MON2: variants seen among roughly 807,000 people sequenced by gnomAD.
The protein encoded by MON2 is protein MON2 homolog.
MON2 carries 84 observed loss-of-function variants against 208.6 expected under a neutral mutation model. The ratio of observed to expected loss-of-function variants is 0.40; its 90% confidence interval spans 0.34 to 0.48. MON2 has a LOEUF of 0.48. MON2 is among the 20% of genes least tolerant of loss of function. The pLI, the probability that MON2 is intolerant of heterozygous loss-of-function variation, is 0.59. For missense variants in MON2, 1,611 were observed against 2,015.4 expected (o/e 0.80, Z 3.84); for synonymous variants, 660 against 694.0 (o/e 0.95, Z 0.77).
intron 32 of MON2, among the ~76,000 whole-genome samples, chr12:62,584,353 T>A (rs1393207026): frequency 6.6e-6 from 1 of 152,158 alleles, no homozygotes; most frequent in Admixed American, 6.5e-5. Flanking sequence ...ATTGATTGTT[T>A]CTTAGGAAGC....
Position 62,562,624 on chromosome 12 carries a change from A to G in MON2, c.4032+1511A>G, listed in dbSNP as rs1035841275. On this transcript the variant is annotated intron_variant, in intron 26 of 34. Transcript: ENST00000393630. ...TATATTTTATTATCAGAGTGTTTTT[A>G]TATTTTTTTCCACAGATGTAAGAAA... 6.6e-5 allele frequency among the ~76,000 whole-genome samples: 10 copies of G among 152,174 alleles called. No homozygotes were observed. In the East Asian group the frequency reaches 1.2e-3, roughly 18 times the overall value.
rs143088929 is a variant in MON2, at chr12:62,563,775, T to A, written c.4033-1462T>A. On this transcript the variant is annotated intron_variant, in intron 26 of 34. Coordinates refer to ENST00000393630, the MANE Select transcript of MON2 (RefSeq NM_015026.3). ...AATGCATAGTTAAGTCATTAATTTGTGTTAAGATTCTTACAAAGAAATTAT... is the reference window on the plus strand; with the variant it reads ...AATGCATAGTTAAGTCATTAATTTGAGTTAAGATTCTTACAAAGAAATTAT... Among the ~76,000 whole-genome samples the A allele has an allele frequency of 5.3e-4, 81 of 152,242 alleles. 1 individual carries two copies. The East Asian group carries it at 0.013, about 25-fold the overall frequency.
intron 12 of MON2, among the ~76,000 whole-genome samples, chr12:62,534,522 A>T (rs1327979733): frequency 1.7e-5 from 1 of 58,744 alleles, no homozygotes; most frequent in Middle Eastern, 8.6e-3. Context: ...CCATCGCAAA[A>T]AAAAAAAAAA....
intron 7 of MON2, among the ~76,000 whole-genome samples, chr12:62,502,885 AAT>A (rs2070915731): frequency 6.6e-6 from 1 of 152,182 alleles, no homozygotes; most frequent in Non-Finnish European, 1.5e-5. Flanking sequence ...GTGCTACAGT[AAT>A]ATAAGATTTT....
At chr12:62,552,396 T>G (rs2073788797) in intron 23 of MON2, among the ~76,000 whole-genome samples, 1 of 152,182 alleles carries the variant, frequency 6.6e-6, no homozygotes, top group African/African-American at 2.4e-5. Context: ...TACTGGATTC[T>G]CTACATTTTA....
intron 11 of MON2, 29 bp downstream of exon 11, chr12:62,526,131 G>C: frequency 6.3e-7 from 1 of 1,599,818 alleles, no homozygotes; most frequent in African/African-American, 1.3e-5. Context: ...ATTTTATAAG[G>C]AATGATGTTG....
chr12:62,507,086 A>G (rs2071140397), intron 7 of MON2, among the ~76,000 whole-genome samples: 1 of 152,172 alleles, frequency 6.6e-6, no homozygotes, highest in African/African-American at 2.4e-5. Context: ...TTGCCATTGC[A>G]TGTTTTATCA....
intron 22 of MON2, among the ~76,000 whole-genome samples, chr12:62,549,342 G>A (rs2073640209): frequency 6.6e-6 from 1 of 151,926 alleles, no homozygotes; most frequent in African/African-American, 2.4e-5. Flanking sequence ...AAGTAAGGCT[G>A]GGTGTGGTAG....
intron 8 of MON2, 137 bp downstream of exon 8, chr12:62,508,617 G>C: frequency 1.5e-6 from 1 of 667,174 alleles, no homozygotes. Flanking sequence ...TGTAGTCTAG[G>C]TACTCTAAAG....
In MON2 at chr12:62,583,053, C is replaced by T. The variant is rs368113343; in HGVS notation, c.4700-2241C>T. ...AGGAGCAGTAGAAAAAGAAAGAAGGCTGGGCACGGTGGCTCAGGCCTGTAT... is the reference window on the plus strand; with the variant it reads ...AGGAGCAGTAGAAAAAGAAAGAAGGTTGGGCACGGTGGCTCAGGCCTGTAT... On this transcript the variant is annotated intron_variant, in intron 32 of 34. Transcript: ENST00000393630. Among the ~76,000 whole-genome samples, 4 of 152,150 alleles carry T rather than the reference C, an allele frequency of 2.6e-5. No individual in the cohort carries two copies. In the East Asian group the frequency reaches 7.7e-4, roughly 29 times the overall value.
At chr12:62,589,001 T>A in intron 34 of MON2, 1 of 772,778 alleles carries the variant, frequency 1.3e-6, no homozygotes, top group Non-Finnish European at 1.9e-6. Context: ...CAATTATGCA[T>A]GTACATGACT....
rs1555161389 is a variant in MON2 at position 62,500,783 on chromosome 12, A to G, written c.566A>G (p.Asp189Gly). 6 of 1,543,716 alleles carry G rather than the reference A, an allele frequency of 3.9e-6. No homozygotes were observed. Among genetic ancestry groups the G allele is most frequent in the South Asian group, 2.4e-5 (2 of 83,132 alleles). The stretch of plus-strand genomic sequence containing the variant: ...AAAACCCATCCTGTTTTGATTGCAG[A>G]TATTATAGAACAACCAGTACTGGTA... ...RMVAEDERHR[D>G]IIEQPVLVQG... The change falls in exon 6 of 35, where the codon GAT becomes GGT. Residue 189 changes from aspartate to glycine, a missense_variant and splice_region_variant. Transcript: ENST00000393630.
Position 62,598,177 on chromosome 12 carries a change from T to TTCACCCAGAGG in MON2, c.*5443_*5453dup, listed in dbSNP as rs1212541629. The TTCACCCAGAGG allele has an allele frequency of 1.3e-5, 2 of 152,290 alleles. No homozygotes were observed. The highest frequency in any genetic ancestry group is 4.8e-5 in the African/African-American group (2 of 41,554). 9.4% of individuals were successfully genotyped at this position (152,290 alleles called of 1,614,324 possible). A position where few individuals can be genotyped will look rare whatever the true frequency, so the allele number is the denominator to read the frequency against. On this transcript the variant is annotated 3_prime_UTR_variant, in exon 35 of 35. Coordinates refer to ENST00000393630, the MANE Select transcript of MON2 (RefSeq NM_015026.3). ...GTGTATTTGGTGTCTGTGTGATTGG[T>TTCACCCAGAGG]TCACCCAGAGGTCACCCAGAGGTCA...
Position 62,553,243 on chromosome 12 carries a change from A to G in MON2, c.3210+69A>G, listed in dbSNP as rs2136309418. On this transcript the variant is annotated intron_variant, in intron 24 of 34. Coordinates refer to ENST00000393630, the MANE Select transcript of MON2 (RefSeq NM_015026.3). ...CTTATATATTAATACTTTTTCAGTTAAACTTATTTCTTTTAATTTTTAAAG... is the reference window on the plus strand; with the variant it reads ...CTTATATATTAATACTTTTTCAGTTGAACTTATTTCTTTTAATTTTTAAAG... 2.2e-6 allele frequency: 3 copies of G among 1,347,236 alleles called. No homozygotes were observed. The South Asian group carries it at 4.5e-5, about 20-fold the overall frequency. The allele number at this position is 1,347,236 out of a possible 1,614,324, so 83.5% of individuals were successfully genotyped here. A position where few individuals can be genotyped will look rare whatever the true frequency, so the allele number is the denominator to read the frequency against.
intron 2 of MON2, among the ~76,000 whole-genome samples, 196 bp from the exon 3 acceptor site, chr12:62,493,719 C>T (rs1189724007): frequency 6.6e-6 from 1 of 152,102 alleles, no homozygotes; most frequent in Non-Finnish European, 1.5e-5. Context: ...GTAGTTAAGG[C>T]GTATAGCTTA....
chr12:62,526,128 A>G, intron 11 of MON2, 26 bp downstream of exon 11: 1 of 1,604,244 alleles, frequency 6.2e-7, no homozygotes, highest in Non-Finnish European at 8.5e-7. Context: ...ATTATTTTAT[A>G]AGGAATGATG....
intron 5 of MON2, 105 bp downstream of exon 5, chr12:62,499,153 T>C: frequency 1.7e-6 from 2 of 1,164,008 alleles, no homozygotes; most frequent in Non-Finnish European, 1.2e-6. Context: ...ATGTCTATAA[T>C]GGCAACTTAA....
intron 34 of MON2, 21 bp downstream of exon 34, chr12:62,588,177 A>G (rs539446067): frequency 6.8e-7 from 1 of 1,466,024 alleles, no homozygotes; most frequent in Non-Finnish European, 9.4e-7. Context: ...AGAAACAGTT[A>G]TTCTAAATTC....
intron 1 of MON2, among the ~76,000 whole-genome samples, chr12:62,473,352 A>G (rs1199576555): frequency 6.6e-6 from 1 of 152,178 alleles, no homozygotes; most frequent in East Asian, 1.9e-4. Flanking sequence ...ATGTGAGTCC[A>G]TGTGAGTCCA....
Sources: allele counts gnomAD v4.1 joint callset (sites outside exome capture counted in the v4.1 genomes callset), GRCh38; gene constraint gnomAD v4.1.1; transcripts MANE v1.5; gene names NCBI Gene and HGNC (gene_info 2026-07-23, HGNC 2026-07-21).